The following FMN1 variants were observed in gnomAD, a reference collection of about 807,000 sequenced individuals.
The protein encoded by FMN1 is formin-1.
FMN1 carries 110 observed loss-of-function variants against 132.4 expected under a neutral mutation model. That is an observed-to-expected ratio of 0.83 (90% CI 0.71 to 0.97). FMN1 has a LOEUF of 0.97. Among genes scored for constraint, FMN1 ranks in the 50% least tolerant of loss-of-function variants. FMN1 has a pLI of 0.00. For missense variants in FMN1, 1,792 were observed against 1,705.3 expected (o/e 1.05, Z -0.90); for synonymous variants, 722 against 651.7 (o/e 1.11, Z -1.64).
At chr15:33,039,912 C>T (rs1438356165) in intron 6 of FMN1, among the ~76,000 whole-genome samples, 1 of 152,198 alleles carries the variant, frequency 6.6e-6, no homozygotes, top group Admixed American at 6.5e-5. Flanking sequence ...CCGCCACTCA[C>T]CTTCCTCCCA....
intron 6 of FMN1, among the ~76,000 whole-genome samples, chr15:33,051,713 G>A (rs1052953375): frequency 1.3e-5 from 2 of 152,136 alleles, no homozygotes; most frequent in Admixed American, 1.3e-4. Context: ...TGCCTCAAGT[G>A]AGCACGTGTA....
intron 15 of FMN1, 109 bp from the exon 16 acceptor site, chr15:32,888,401 G>GT: frequency 1.0e-6 from 1 of 995,336 alleles, no homozygotes; most frequent in Non-Finnish European, 1.4e-6. Context: ...GGATGTCTGA[G>GT]TAAGAATCAT....
At chr15:32,798,216 A>ACACACACACACACACACCC (rs1286307994) in intron 19 of FMN1, among the ~76,000 whole-genome samples, 9 of 140,876 alleles carry the variant, frequency 6.4e-5, no homozygotes, top group African/African-American at 2.3e-4. Context: ...ACACACACAC[A>ACACACACACACACACACCC]CCCCGTCTAT....
rs1178285469 is a variant in FMN1 at position 32,785,161 on chromosome 15, C to CGTGTGTGT, written c.4131-8250_4131-8243dup. Among the ~76,000 whole-genome samples the CGTGTGTGT allele has an allele frequency of 6.4e-3, 332 of 51,586 alleles. 11 individuals are homozygous for CGTGTGTGT. The highest frequency in any genetic ancestry group is 0.02 in the African/African-American group (242 of 11,852). 33.8% of individuals were successfully genotyped at this position (51,586 alleles called of 152,430 possible). ...GTGTGTGTGTGTGTGTGTATACGTA[C>CGTGTGTGT]GTGTGTGTGTGTGTGTGTGTGTGTG... On this transcript the variant is annotated intron_variant, in intron 19 of 20. Coordinates refer to ENST00000616417, the MANE Select transcript of FMN1 (RefSeq NM_001277313.2).
intron 5 of FMN1, among the ~76,000 whole-genome samples, chr15:33,077,153 C>G (rs982125250): frequency 2.0e-5 from 3 of 152,058 alleles, no homozygotes; most frequent in Non-Finnish European, 2.9e-5. Flanking sequence ...GCCTCAGCCC[C>G]GAGTAGCTGG....
intron 6 of FMN1, among the ~76,000 whole-genome samples, chr15:33,056,993 T>C (rs1018031077): frequency 2.0e-5 from 3 of 152,038 alleles, no homozygotes; most frequent in African/African-American, 4.8e-5. Flanking sequence ...CTGGCCAACA[T>C]GGCAAAACCC....
chr15:32,940,882 C>T (rs1372585155), intron 9 of FMN1, among the ~76,000 whole-genome samples: 2 of 152,160 alleles, frequency 1.3e-5, no homozygotes, highest in South Asian at 2.1e-4. Context: ...GAGGCTTTCA[C>T]AAAACCATGA....
chr15:32,994,564 T>C (rs1162866924), intron 7 of FMN1, among the ~76,000 whole-genome samples: 1 of 152,212 alleles, frequency 6.6e-6, no homozygotes, highest in Non-Finnish European at 1.5e-5. Context: ...GGTTATTTTA[T>C]CAATATCTGT....
At chr15:33,028,050 C>G (rs2141049086) in intron 6 of FMN1, among the ~76,000 whole-genome samples, 1 of 152,294 alleles carries the variant, frequency 6.6e-6, no homozygotes, top group Middle Eastern at 3.4e-3. Flanking sequence ...TAATCCCTAC[C>G]CCCATAAAGC....
intron 3 of FMN1, among the ~76,000 whole-genome samples, chr15:33,175,552 A>T (rs1965486798): frequency 6.6e-6 from 1 of 152,170 alleles, no homozygotes; most frequent in African/African-American, 2.4e-5. Context: ...CTATTTCTCT[A>T]TATCTCTTCC....
chr15:33,048,333 A>G (rs1289044706), intron 6 of FMN1, among the ~76,000 whole-genome samples: 1 of 152,142 alleles, frequency 6.6e-6, no homozygotes, highest in Non-Finnish European at 1.5e-5. Flanking sequence ...GAGATTATAT[A>G]TAAGAAAGAA....
chr15:32,955,207 GATATCTTT>G (rs1344910892), intron 9 of FMN1, among the ~76,000 whole-genome samples: 3 of 152,144 alleles, frequency 2.0e-5, no homozygotes, highest in Non-Finnish European at 4.4e-5. Context: ...CACTACTAGT[GATATCTTT>G]ATTTTTTAAT....
intron 17 of FMN1, among the ~76,000 whole-genome samples, chr15:32,822,854 G>C (rs2058255295): frequency 6.6e-6 from 1 of 152,068 alleles, no homozygotes; most frequent in Admixed American, 6.6e-5. Flanking sequence ...CTGAATATCT[G>C]TTCTGCCTAC....
At chr15:32,957,634 A>C (rs2029964344) in intron 9 of FMN1, among the ~76,000 whole-genome samples, 1 of 152,194 alleles carries the variant, frequency 6.6e-6, no homozygotes, top group Admixed American at 6.5e-5. Context: ...TTAAGACCTT[A>C]AAAACCTTGG....
intron 16 of FMN1, among the ~76,000 whole-genome samples, chr15:32,877,713 TTTCTC>T (rs2059670948): frequency 6.6e-6 from 1 of 152,128 alleles, no homozygotes; most frequent in Non-Finnish European, 1.5e-5. Context: ...GGCCATCAGT[TTTCTC>T]TTCAGACAGC....
intron 7 of FMN1, among the ~76,000 whole-genome samples, chr15:33,007,568 A>T (rs2034484700): frequency 6.6e-6 from 1 of 151,918 alleles, no homozygotes; most frequent in Admixed American, 6.6e-5. Context: ...CTCCTCCTCC[A>T]CCTCCTAGGG....
At chr15:33,045,543 C>T in intron 6 of FMN1, among the ~76,000 whole-genome samples, 1 of 152,172 alleles carries the variant, frequency 6.6e-6, no homozygotes, top group East Asian at 1.9e-4. Flanking sequence ...TTCAGAGCTC[C>T]ATGGACTTAT....
chr15:32,985,704 T>C (rs996769543), intron 7 of FMN1, among the ~76,000 whole-genome samples: 1 of 150,792 alleles, frequency 6.6e-6, no homozygotes, highest in Non-Finnish European at 1.5e-5. Flanking sequence ...CTGGCACTCT[T>C]AAGTCCAAAT....
At chr15:33,033,156 G>A (rs1003761374) in intron 6 of FMN1, among the ~76,000 whole-genome samples, 2 of 151,772 alleles carry the variant, frequency 1.3e-5, no homozygotes, top group African/African-American at 2.4e-5. Flanking sequence ...TCAGCCTCCC[G>A]AGTAGCTGGG....
Sources: gnomAD v4.1 joint callset for allele counts (sites outside exome capture counted in the v4.1 genomes callset) on GRCh38, gnomAD v4.1.1 for gene constraint, MANE v1.5 for transcripts, NCBI Gene and HGNC (gene_info 2026-07-23, HGNC 2026-07-21) for gene names.